The following SETBP1 variants were observed in gnomAD, a reference collection of about 807,000 sequenced individuals.
The protein encoded by SETBP1 is SET-binding protein.
A neutral mutation model predicts 101.0 loss-of-function variants in SETBP1; 9 were observed. That is an observed-to-expected ratio of 0.09 (90% CI 0.05 to 0.16). SETBP1 has a LOEUF of 0.16. Ranked by LOEUF, SETBP1 falls within the 10% of genes least tolerant of loss-of-function variation. SETBP1 has a pLI of 1.00. For missense variants in SETBP1, 1,858 were observed against 2,033.8 expected (o/e 0.91, Z 1.66); for synonymous variants, 818 against 788.5 (o/e 1.04, Z -0.63).
intron 2 of SETBP1, among the ~76,000 whole-genome samples, chr18:44,759,298 T>A (rs2070582941): frequency 6.6e-6 from 1 of 152,204 alleles, no homozygotes; most frequent in Non-Finnish European, 1.5e-5. Flanking sequence ...AGCAGACCTT[T>A]ATGGCTCTGC....
chr18:44,802,302 T>C (rs2071623803), intron 2 of SETBP1, among the ~76,000 whole-genome samples: 1 of 152,178 alleles, frequency 6.6e-6, no homozygotes, highest in African/African-American at 2.4e-5. Flanking sequence ...ATAAGTAGGT[T>C]GATTCTTGGA....
intron 4 of SETBP1, among the ~76,000 whole-genome samples, chr18:45,031,411 C>G (rs1224753237): frequency 1.3e-5 from 2 of 152,096 alleles, no homozygotes; most frequent in African/African-American, 2.4e-5. Flanking sequence ...TTAATCCACA[C>G]AACAACGTCA....
chr18:45,064,581 A>T lies in SETBP1; in HGVS notation c.*883A>T, dbSNP rs1246161305. Reference sequence around the variant, plus strand: ...ATTGATAAAACCTTTTTAATAAGTGATGCAGAGCAGCCAAGGATATGTTGA... The same window carrying T: ...ATTGATAAAACCTTTTTAATAAGTGTTGCAGAGCAGCCAAGGATATGTTGA... On this transcript the variant is annotated 3_prime_UTR_variant, in exon 6 of 6. Transcript: ENST00000649279. The T allele has an allele frequency of 6.6e-6, 1 of 152,176 alleles. No individual in the cohort carries two copies. Among genetic ancestry groups the T allele is most frequent in the Non-Finnish European group, 1.5e-5 (1 of 68,034 alleles). The allele number at this position is 152,176 out of a possible 1,614,324, so 9.4% of individuals were successfully genotyped here. A position where few individuals can be genotyped will look rare whatever the true frequency, so the allele number is the denominator to read the frequency against.
intron 4 of SETBP1, among the ~76,000 whole-genome samples, chr18:45,023,008 C>T (rs1446163686): frequency 6.6e-6 from 1 of 152,118 alleles, no homozygotes; most frequent in Non-Finnish European, 1.5e-5. Context: ...ATAACTTACC[C>T]AGGCCTGGAT....
At chr18:44,828,692 A>G (rs975560838) in intron 2 of SETBP1, among the ~76,000 whole-genome samples, 5 of 152,218 alleles carry the variant, frequency 3.3e-5, no homozygotes, top group Non-Finnish European at 7.3e-5. Flanking sequence ...CTTCCACCCA[A>G]ATGTAGACAA....
intron 5 of SETBP1, 116 bp from the exon 6 acceptor site, chr18:45,062,963 A>C (rs2073911875): frequency 1.5e-6 from 2 of 1,347,842 alleles, no homozygotes; most frequent in East Asian, 4.8e-5. Flanking sequence ...ACATACCCAT[A>C]GCATTAATTC....
chr18:44,809,938 A>T (rs1011253594), intron 2 of SETBP1, among the ~76,000 whole-genome samples: 8 of 152,214 alleles, frequency 5.3e-5, no homozygotes, highest in African/African-American at 1.9e-4. Flanking sequence ...TGTTGAGACC[A>T]CCACGTTCTC....
intron 3 of SETBP1, among the ~76,000 whole-genome samples, chr18:44,914,825 C>A (rs2070390477): frequency 6.6e-6 from 1 of 152,074 alleles, no homozygotes; most frequent in South Asian, 2.1e-4. Flanking sequence ...CTTTTGGCAG[C>A]AAGCTTTCCT....
intron 3 of SETBP1, among the ~76,000 whole-genome samples, chr18:44,931,648 G>C (rs2070837082): frequency 6.6e-6 from 1 of 152,160 alleles, no homozygotes; most frequent in African/African-American, 2.4e-5. Flanking sequence ...ATATATTTAG[G>C]ATAGTTAGCT....
At chr18:44,872,915 A>G (rs1234767521) in intron 3 of SETBP1, among the ~76,000 whole-genome samples, 9 of 152,258 alleles carry the variant, frequency 5.9e-5, no homozygotes, top group Non-Finnish European at 1.3e-4. Context: ...CACCTGCTAC[A>G]TAAACCCTCT....
intron 1 of SETBP1, among the ~76,000 whole-genome samples, chr18:44,688,053 G>A (rs776058827): frequency 6.6e-6 from 1 of 152,194 alleles, no homozygotes; most frequent in Non-Finnish European, 1.5e-5. Context: ...TAAAAGTTCT[G>A]TGGGATTGAT....
chr18:44,692,132 C>T (rs891649699), intron 1 of SETBP1, among the ~76,000 whole-genome samples: 2 of 152,206 alleles, frequency 1.3e-5, no homozygotes, highest in Admixed American at 6.5e-5. Context: ...TCCTGTCCCT[C>T]AGGGCTTGAC....
rs1386520726 is a variant in SETBP1 at position 45,066,663 on chromosome 18, G to A, written c.*2965G>A. The A allele has an allele frequency of 7.7e-6, 1 of 130,442 alleles. No individual in the cohort carries two copies. Among genetic ancestry groups the A allele is most frequent in the Non-Finnish European group, 1.7e-5 (1 of 57,684 alleles). 8.1% of individuals were successfully genotyped at this position (130,442 alleles called of 1,614,324 possible). A position where few individuals can be genotyped will look rare whatever the true frequency, so the allele number is the denominator to read the frequency against. On this transcript the variant is annotated 3_prime_UTR_variant, in exon 6 of 6. Transcript: ENST00000649279. ...TGGCCCCCCAACACTGCCTTCTGGG[G>A]GCTGCATTTTTTTTTTTTTTTTGAG... is the stretch of plus-strand genomic sequence containing the variant.
At chr18:44,745,770 C>T (rs2070228927) in intron 2 of SETBP1, among the ~76,000 whole-genome samples, 1 of 152,096 alleles carries the variant, frequency 6.6e-6, no homozygotes, top group Non-Finnish European at 1.5e-5. Context: ...GCTAAGTGAG[C>T]ATCAAAGGAG....
chr18:44,983,126 T>C (rs1231922679), intron 4 of SETBP1, among the ~76,000 whole-genome samples: 1 of 152,150 alleles, frequency 6.6e-6, no homozygotes, highest in Non-Finnish European at 1.5e-5. Flanking sequence ...TAAATCATGA[T>C]TATGAACATT....
chr18:44,692,009 A>G (rs2068942871), intron 1 of SETBP1, among the ~76,000 whole-genome samples: 1 of 152,238 alleles, frequency 6.6e-6, no homozygotes, highest in Non-Finnish European at 1.5e-5. Context: ...AACTGGAAAC[A>G]AGAGAAGAGC....
intron 2 of SETBP1, among the ~76,000 whole-genome samples, chr18:44,779,249 A>G (rs1166180850): frequency 6.6e-6 from 1 of 152,122 alleles, no homozygotes; most frequent in East Asian, 1.9e-4. Context: ...TTTTCTTCTC[A>G]TATACACTGC....
In SETBP1 at chr18:44,701,249, T is replaced by C; in HGVS notation, c.-98T>C. On this transcript the variant is annotated 5_prime_UTR_variant, in exon 2 of 6. Coordinates refer to ENST00000649279, the MANE Select transcript of SETBP1 (RefSeq NM_015559.3). ...AATCTGACCCTAGCAACTGGACCAC[T>C]TTGTTCTTGGAATTTTGGGTGTCCT... The C allele has an allele frequency of 7.2e-7, 1 of 1,384,166 alleles. No individual in the cohort carries two copies. Among genetic ancestry groups the C allele is most frequent in the Non-Finnish European group, 9.6e-7 (1 of 1,042,716 alleles). 85.7% of individuals were successfully genotyped at this position (1,384,166 alleles called of 1,614,324 possible).
At chr18:44,736,867 T>TA (rs2069979944) in intron 2 of SETBP1, among the ~76,000 whole-genome samples, 1 of 152,196 alleles carries the variant, frequency 6.6e-6, no homozygotes, top group African/African-American at 2.4e-5. Context: ...AAGTGTTTCA[T>TA]AAAGCCTACT....
Sources: gnomAD v4.1 joint callset for allele counts (sites outside exome capture counted in the v4.1 genomes callset) on GRCh38, gnomAD v4.1.1 for gene constraint, MANE v1.5 for transcripts, NCBI Gene and HGNC (gene_info 2026-07-23, HGNC 2026-07-21) for gene names.